Variants in FAIM2 observed in about 807,000 individuals in gnomAD.
FAIM2 encodes the protein Fas apoptotic inhibitory molecule 2, also known as protein lifeguard 2.
In FAIM2, 27 loss-of-function variants were observed where a neutral mutation model predicts 47.4. The observed-to-expected ratio is 0.57, with a 90% CI of 0.42 to 0.78. The LOEUF is 0.78. Ranked by LOEUF, FAIM2 falls within the 30% of genes least tolerant of loss-of-function variation. FAIM2 has a pLI of 0.00. For synonymous variants in FAIM2, 156 were observed against 159.3 expected (o/e 0.98, Z 0.16); for missense variants, 311 against 389.4 (o/e 0.80, Z 1.69).
At chr12:49,897,945 C>G (rs761489779) in intron 3 of FAIM2, 42 bp downstream of exon 3, 2 of 1,487,458 alleles carry the variant, frequency 1.3e-6, no homozygotes, top group Non-Finnish European at 1.9e-6. Flanking sequence ...GGGGCTCCCC[C>G]ACTGAGGCTC....
Position 49,866,984 on chromosome 12 carries a change from TG to T in FAIM2, c.*3519del. 1 of 152,318 alleles carries T rather than the reference TG, an allele frequency of 6.6e-6. No individual in the cohort carries two copies. Among genetic ancestry groups the T allele is most frequent in the Non-Finnish European group, 1.5e-5 (1 of 68,166 alleles). 9.4% of individuals were successfully genotyped at this position (152,318 alleles called of 1,614,324 possible). On this transcript the variant is annotated 3_prime_UTR_variant, in exon 12 of 12. Coordinates refer to ENST00000320634, the MANE Select transcript of FAIM2 (RefSeq NM_012306.4). ...CAGGGAAGGGAACAGGTGCGGACAC[TG>T]GGGAACTTGCAGGAGCTAAGGCCAG...
chr12:49,881,529 TCAGCTGCGGCTAGAAGC>T (rs1946825571), intron 11 of FAIM2, among the ~76,000 whole-genome samples: 1 of 152,116 alleles, frequency 6.6e-6, no homozygotes, highest in Admixed American at 6.5e-5. Context: ...CCCTGGAGTC[TCAGCTGCGGCTAGAAGC>T]CAGCTGCAGG....
At chr12:49,873,020 T>C (rs770109439) in intron 11 of FAIM2, among the ~76,000 whole-genome samples, 29 of 152,200 alleles carry the variant, frequency 1.9e-4, no homozygotes, top group Non-Finnish European at 3.2e-4. Flanking sequence ...CAGGTGTCTC[T>C]TGCATCTCAT....
At chr12:49,902,113 G>A (rs1483921805) in intron 1 of FAIM2, 1 of 152,180 alleles carries the variant, frequency 6.6e-6, no homozygotes, top group African/African-American at 2.4e-5. Flanking sequence ...TGAGGAAACT[G>A]AGGCTCAAAG....
chr12:49,870,314 C>T lies in FAIM2; in HGVS notation c.*190G>A, dbSNP rs913692486. The stretch of plus-strand genomic sequence containing the variant: ...GGGGCGGCACAGGGATTGACGTGGC[C>T]TCAGTTCCTCAGGGTCCCCATGGCG... On this transcript the variant is annotated 3_prime_UTR_variant, in exon 12 of 12. Coordinates refer to ENST00000320634, the MANE Select transcript of FAIM2 (RefSeq NM_012306.4). The T allele has an allele frequency of 1.4e-5, 8 of 570,058 alleles. No individual in the cohort carries two copies. Among genetic ancestry groups the T allele is most frequent in the African/African-American group, 3.7e-5 (2 of 53,504 alleles). 35.3% of individuals were successfully genotyped at this position (570,058 alleles called of 1,614,324 possible).
intron 1 of FAIM2, chr12:49,901,699 G>C: frequency 6.0e-6 from 1 of 165,498 alleles, no homozygotes; most frequent in Middle Eastern, 2.7e-3. Flanking sequence ...ATCTTCCTGA[G>C]ACTTGCTAGC....
intron 11 of FAIM2, 147 bp from the exon 12 acceptor site, chr12:49,870,800 C>A: frequency 1.5e-6 from 1 of 676,202 alleles, no homozygotes. Flanking sequence ...TCCTGTGACA[C>A]CTTCTGTCCC....
chr12:49,875,959 G>C (rs1415038159), intron 11 of FAIM2, among the ~76,000 whole-genome samples: 1 of 152,312 alleles, frequency 6.6e-6, no homozygotes, highest in South Asian at 2.1e-4. Flanking sequence ...CTGGGCGACA[G>C]AGTGAGACTC....
At chr12:49,884,852 T>C (rs1472039535) in intron 11 of FAIM2, among the ~76,000 whole-genome samples, 1 of 152,230 alleles carries the variant, frequency 6.6e-6, no homozygotes, top group Admixed American at 6.5e-5. Context: ...CGGGCACCTG[T>C]AGTCCCAGCT....
chr12:49,880,719 T>C (rs1381425259), intron 11 of FAIM2, among the ~76,000 whole-genome samples: 2 of 66,556 alleles, frequency 3.0e-5, no homozygotes, highest in East Asian at 9.0e-4. Context: ...TGTACATGCG[T>C]GTATATGTGT....
At chr12:49,873,617 G>C (rs1946717096) in intron 11 of FAIM2, among the ~76,000 whole-genome samples, 1 of 152,158 alleles carries the variant, frequency 6.6e-6, no homozygotes, top group African/African-American at 2.4e-5. Context: ...GCTTGGATCT[G>C]TCCAGCTCTG....
chr12:49,880,178 A>ATG (rs1946801403), intron 11 of FAIM2, among the ~76,000 whole-genome samples: 1 of 56,684 alleles, frequency 1.8e-5, no homozygotes, highest in African/African-American at 7.3e-5. Flanking sequence ...ATGTGTGTGT[A>ATG]TGCATGTGTG....
intron 6 of FAIM2, 29 bp downstream of exon 6, chr12:49,891,035 A>G (rs770827787): frequency 6.2e-7 from 1 of 1,611,272 alleles, no homozygotes; most frequent in Non-Finnish European, 8.5e-7. Context: ...TCATATTCCC[A>G]CAAGTTCCTC....
At chr12:49,893,220 C>A (rs1946912789) in intron 5 of FAIM2, among the ~76,000 whole-genome samples, 1 of 152,118 alleles carries the variant, frequency 6.6e-6, no homozygotes. Flanking sequence ...CAATGCATTC[C>A]CACCCACCCC....
chr12:49,901,484 C>T (rs943081436), intron 1 of FAIM2, 159 bp from the exon 2 acceptor site: 5 of 576,924 alleles, frequency 8.7e-6, no homozygotes, highest in South Asian at 2.6e-5. Flanking sequence ...ATTTTATAGA[C>T]AAGAGAACTA....
chr12:49,897,584 C>G lies in FAIM2; in HGVS notation c.316-1G>C. 1 of 1,613,576 alleles carries G rather than the reference C, an allele frequency of 6.2e-7. No homozygotes were observed. Among genetic ancestry groups the G allele is most frequent in the Non-Finnish European group, 8.5e-7 (1 of 1,179,700 alleles). ...GCTGAATCAGCAGGATGGTGTAGAC[C>G]TGGGGGTGGGAGGGGTTCTACTCAG... On this transcript the variant is annotated splice_acceptor_variant, in intron 3 of 11. Coordinates refer to ENST00000320634, the MANE Select transcript of FAIM2 (RefSeq NM_012306.4). LOFTEE classifies it high-confidence loss of function.
At chr12:49,881,588 A>G (rs1946826375) in intron 11 of FAIM2, among the ~76,000 whole-genome samples, 1 of 152,074 alleles carries the variant, frequency 6.6e-6, no homozygotes, top group Admixed American at 6.6e-5. Context: ...CTGCCCCATC[A>G]CGCCAGCCCC....
intron 11 of FAIM2, among the ~76,000 whole-genome samples, chr12:49,872,181 G>A (rs1946707832): frequency 6.6e-6 from 1 of 152,126 alleles, no homozygotes; most frequent in African/African-American, 2.4e-5. Flanking sequence ...AGCGTCATGG[G>A]GGACACTTAT....
chr12:49,879,966 G>GTA (rs1555158363), intron 11 of FAIM2, among the ~76,000 whole-genome samples: 2 of 149,020 alleles, frequency 1.3e-5, no homozygotes, highest in African/African-American at 5.0e-5. Context: ...GTATGTGCAT[G>GTA]TGTGTGTATA....
Sources: allele counts gnomAD v4.1 joint callset (sites outside exome capture counted in the v4.1 genomes callset), GRCh38; gene constraint gnomAD v4.1.1; transcripts MANE v1.5; gene names NCBI Gene and HGNC (gene_info 2026-07-23, HGNC 2026-07-21).